Variants in GFPT2 observed in about 807,000 individuals in gnomAD.
The protein encoded by GFPT2 is glutamine--fructose-6-phosphate aminotransferase [isomerizing] 2.
GFPT2 carries 62 observed loss-of-function variants against 85.6 expected under a neutral mutation model. The ratio of observed to expected loss-of-function variants is 0.72; its 90% CI spans 0.59 to 0.90. GFPT2 has a LOEUF of 0.90. GFPT2 is among the 40% of genes least tolerant of loss of function. The pLI is 0.00. For synonymous variants in GFPT2, 368 were observed against 344.5 expected, an observed-to-expected ratio of 1.07 and a Z score of -0.75; for missense variants, 788 against 893.4, an observed-to-expected ratio of 0.88 and a Z score of 1.50.
chr5:180,331,177 C>T lies in GFPT2; in HGVS notation c.399+318G>A, dbSNP rs1581382775. Among the ~76,000 whole-genome samples, 8 of 152,372 alleles carry T rather than the reference C, an allele frequency of 5.3e-5. No individual in the cohort carries two copies. The Middle Eastern group carries it at 0.017, about 324-fold the overall frequency. ...CTTCAGACAGTCACTGTCTGACTTT[C>T]CGTCCCAACTCCGCCGGTATACGAG... is the stretch of plus-strand genomic sequence containing the variant. On this transcript the variant is annotated intron_variant, in intron 5 of 18. Coordinates refer to ENST00000253778, the MANE Select transcript of GFPT2 (RefSeq NM_005110.4).
At chr5:180,352,650 C>T (rs745601012) in intron 1 of GFPT2, 3 of 441,888 alleles carry the variant, frequency 6.8e-6, no homozygotes, top group South Asian at 3.1e-5. Flanking sequence ...AGGGACCAGA[C>T]GTTCCTTTGG....
At position 180,313,861 on chromosome 5, in the gene GFPT2, G is replaced by A. The variant is rs377307097; in HGVS notation, c.1377C>T (p.Thr459=). Residue 459 remains threonine, a synonymous_variant, in exon 14 of 19, where the codon ACC becomes ACT. Coordinates refer to ENST00000253778, the MANE Select transcript of GFPT2 (RefSeq NM_005110.4). The part of the protein sequence containing the change: ...NTVGSSISRE[T]DCGVHINAGP... Reference sequence around the variant, plus strand: ...CTGCGTTGATGTGGACGCCGCAGTCGGTCTCGCGAGAGATGGAGCTGCCCA... The same window carrying A: ...CTGCGTTGATGTGGACGCCGCAGTCAGTCTCGCGAGAGATGGAGCTGCCCA... The A allele has an allele frequency of 2.4e-5, 38 of 1,601,994 alleles. No individual in the cohort carries two copies. The African/African-American group carries it at 4.0e-4, about 17-fold the overall frequency.
rs201814158 is a variant in GFPT2, at chr5:180,304,743, G to C, written c.1842+29C>G. 5.0e-6 allele frequency: 8 copies of C among 1,592,338 alleles called. No individual in the cohort carries two copies. The Admixed American group carries it at 1.2e-4, about 23-fold the overall frequency. ...CATGCATGGGGAAAAGCAGGAGAGA[G>C]CTGGCCCAGTCCAGTGGAGAGCCCT... On this transcript the variant is annotated intron_variant, in intron 17 of 18. Transcript: ENST00000253778.
intron 6 of GFPT2, among the ~76,000 whole-genome samples, chr5:180,329,271 G>A (rs908251618): frequency 1.3e-5 from 2 of 152,152 alleles, no homozygotes; most frequent in African/African-American, 2.4e-5. Flanking sequence ...CTGAGTCACC[G>A]TCCCCAGGCC....
At chr5:180,346,232 A>G (rs1312300647) in intron 1 of GFPT2, among the ~76,000 whole-genome samples, 1 of 152,150 alleles carries the variant, frequency 6.6e-6, no homozygotes, top group African/African-American at 2.4e-5. Flanking sequence ...AGGAATTCAC[A>G]GCCAGGTCTG....
At chr5:180,305,497 C>G (rs917773206) in intron 16 of GFPT2, among the ~76,000 whole-genome samples, 5 of 152,136 alleles carry the variant, frequency 3.3e-5, no homozygotes, top group African/African-American at 9.7e-5. Flanking sequence ...AATGGTGAGA[C>G]AGTCAAATAA....
chr5:180,346,754 C>G (rs1016597834), intron 1 of GFPT2, among the ~76,000 whole-genome samples: 5 of 152,214 alleles, frequency 3.3e-5, no homozygotes, highest in Non-Finnish European at 7.3e-5. Flanking sequence ...CTCTGAACCC[C>G]TTTTTCCAAC....
Position 180,302,495 on chromosome 5 carries a change from G to C in GFPT2, c.1932C>G (p.Cys644Trp). The part of the protein sequence containing the change: ...KTIELPHTVD[C>W]LQGILSVIPL... Reference sequence around the variant, plus strand: ...GAATCACGCTCAGGATGCCCTGGAGGCAGTCCACAGTGTGGGGCAGCTCAA... The same window carrying C: ...GAATCACGCTCAGGATGCCCTGGAGCCAGTCCACAGTGTGGGGCAGCTCAA... The change falls in exon 18 of 19, where the codon TGC (cysteine) becomes TGG (tryptophan). Residue 644 changes from cysteine to tryptophan, a missense_variant. Transcript: ENST00000253778. 6.2e-7 allele frequency: 1 copy of C among 1,614,010 alleles called. No individual in the cohort carries two copies. The highest frequency in any genetic ancestry group is 8.5e-7 in the Non-Finnish European group (1 of 1,179,872).
Position 180,302,510 on chromosome 5 carries a change from G to C in GFPT2, c.1917C>G (p.Pro639=). 6.2e-7 allele frequency: 1 copy of C among 1,613,964 alleles called. No homozygotes were observed. Among genetic ancestry groups the C allele is most frequent in the Non-Finnish European group, 8.5e-7 (1 of 1,179,856 alleles). The change falls in exon 18 of 19, where the codon CCC becomes CCG. Residue 639 remains proline (P), a synonymous_variant. Coordinates refer to ENST00000253778, the MANE Select transcript of GFPT2 (RefSeq NM_005110.4). ...TGCCCTGGAGGCAGTCCACAGTGTG[G>C]GGCAGCTCAATTGTCTTATACGCAA... is the stretch of plus-strand genomic sequence containing the variant. ...SKFAYKTIEL[P]HTVDCLQGIL... is the part of the protein sequence containing the mutation.
intron 1 of GFPT2, among the ~76,000 whole-genome samples, chr5:180,340,884 A>G (rs1764503183): frequency 6.6e-6 from 1 of 152,104 alleles, no homozygotes; most frequent in Non-Finnish European, 1.5e-5. Context: ...TCGCCTCCCC[A>G]AGGCCCCACC....
At position 180,338,600 on chromosome 5, in the gene GFPT2, C is replaced by A; in HGVS notation, c.8G>T (p.Gly3Val). MCGIFAYMNYRVP... is the reference protein window; with the variant it reads MCVIFAYMNYRVP... ...TCTGTAGTTCATGTAGGCAAAGATTCCTGTTCAAAGAGAAAAAAATGGTGC... is the reference window on the plus strand; with the variant it reads ...TCTGTAGTTCATGTAGGCAAAGATTACTGTTCAAAGAGAAAAAAATGGTGC... Residue 3 changes from glycine (G) to valine (V), a missense_variant and splice_region_variant, in exon 2 of 19, where the codon GGA becomes GTA. Coordinates refer to ENST00000253778, the MANE Select transcript of GFPT2 (RefSeq NM_005110.4). 1 of 1,575,120 alleles carries A rather than the reference C, an allele frequency of 6.3e-7. No homozygotes were observed. The highest frequency in any genetic ancestry group is 1.1e-5 in the South Asian group (1 of 89,670).
chr5:180,318,828 T>C lies in GFPT2; in HGVS notation c.923A>G (p.Gln308Arg). The C allele has an allele frequency of 6.2e-7, 1 of 1,614,094 alleles. No individual in the cohort carries two copies. Among genetic ancestry groups the C allele is most frequent in the Non-Finnish European group, 8.5e-7 (1 of 1,180,014 alleles). ...SASDDPSRAI[Q>R]TLQMELQQIM... Reference sequence around the variant, plus strand: ...TTGCTGCAGTTCCATCTGCAAGGTCTGGATGGCTCGAGATGGGTCATCACT... The same window carrying C: ...TTGCTGCAGTTCCATCTGCAAGGTCCGGATGGCTCGAGATGGGTCATCACT... The change falls in exon 10 of 19, where the codon CAG becomes CGG. Residue 308 changes from glutamine to arginine, a missense_variant. Transcript: ENST00000253778. The surrounding 1 kb of genome is among the most constrained non-coding windows in gnomAD (Gnocchi z 4.2).
chr5:180,303,435 C>T (rs942999385), intron 17 of GFPT2, among the ~76,000 whole-genome samples: 1 of 152,124 alleles, frequency 6.6e-6, no homozygotes, highest in Non-Finnish European at 1.5e-5. Flanking sequence ...CGCAAAGGCC[C>T]GGAGGCGGGC....
intron 2 of GFPT2, among the ~76,000 whole-genome samples, chr5:180,338,126 T>A (rs1465901937): frequency 6.6e-6 from 1 of 152,060 alleles, no homozygotes; most frequent in African/African-American, 2.4e-5. Context: ...AATAAAAATA[T>A]GAAAATCTAC....
At chr5:180,334,037 G>T (rs909590943) in intron 4 of GFPT2, among the ~76,000 whole-genome samples, 2 of 152,220 alleles carry the variant, frequency 1.3e-5, no homozygotes, top group Non-Finnish European at 2.9e-5. Flanking sequence ...CTTGACCTGG[G>T]CTCTGGCCAG....
At position 180,318,757 on chromosome 5, in the gene GFPT2, C is replaced by A; in HGVS notation, c.958+36G>T. 6.3e-7 allele frequency: 1 copy of A among 1,594,070 alleles called. No individual in the cohort carries two copies. Among genetic ancestry groups the A allele is most frequent in the East Asian group, 2.2e-5 (1 of 44,584 alleles). On this transcript the variant is annotated intron_variant, in intron 10 of 18. Transcript: ENST00000253778. This position sits in a 1 kb window ranked among gnomAD's most constrained non-coding sequence, Gnocchi z 4.2. ...GAGCTCCACCAGGCGCGCTGGCTCCCGAGGCTGCCGCACGTGGACTCTGGA... is the reference window on the plus strand; with the variant it reads ...GAGCTCCACCAGGCGCGCTGGCTCCAGAGGCTGCCGCACGTGGACTCTGGA...
rs532827297 is a variant in GFPT2, at chr5:180,309,535, C to T, written c.1547-2232G>A. On this transcript the variant is annotated intron_variant, in intron 15 of 18. Coordinates refer to ENST00000253778, the MANE Select transcript of GFPT2 (RefSeq NM_005110.4). ...TCCCAGGTTCAAGTGATTCTCCTGA[C>T]TCAGCCTCCCAAGTAGCTGGGATTA... is the stretch of plus-strand genomic sequence containing the variant. Among the ~76,000 whole-genome samples, 158 of 152,270 alleles carry T rather than the reference C, an allele frequency of 1.0e-3. 1 individual carries two copies. Among genetic ancestry groups the T allele is most frequent in the African/African-American group, 3.5e-3 (146 of 41,556 alleles).
At chr5:180,308,168 G>A (rs894509919) in intron 15 of GFPT2, among the ~76,000 whole-genome samples, 42 of 152,020 alleles carry the variant, frequency 2.8e-4, no homozygotes, top group South Asian at 8.3e-4. Context: ...AGGCAGGAGA[G>A]TGGCGTGAAC....
At chr5:180,338,723 T>C in intron 1 of GFPT2, 123 bp from the exon 2 acceptor site, 1 of 612,732 alleles carries the variant, frequency 1.6e-6, no homozygotes, top group African/African-American at 1.8e-5. Flanking sequence ...CAGAGGTGGG[T>C]ATGCCCCTCC....
Sources: gnomAD v4.1 joint callset for allele counts (sites outside exome capture counted in the v4.1 genomes callset) on GRCh38, gnomAD v4.1.1 for gene constraint, Gnocchi (gnomAD v3.1) non-coding constraint, MANE v1.5 for transcripts, NCBI Gene and HGNC (gene_info 2026-07-23, HGNC 2026-07-21) for gene names.